Variants in CPD observed in about 807,000 individuals in gnomAD.
The protein encoded by CPD is carboxypeptidase D, also known as metallocarboxypeptidase D.
A neutral mutation model predicts 138.3 loss-of-function variants in CPD; 69 were observed. The ratio of observed to expected loss-of-function variants is 0.50; its 90% CI spans 0.41 to 0.61. The LOEUF (loss-of-function observed/expected upper bound fraction) is 0.61, where lower values mean the gene tolerates loss of function less well. Ranked by LOEUF, CPD falls within the 20% of genes least tolerant of loss-of-function variation. The pLI is 0.00. For synonymous variants in CPD, 651 were observed against 642.1 expected, an observed-to-expected ratio of 1.01 and a Z score of -0.21; for missense variants, 1,432 against 1,733.3, an observed-to-expected ratio of 0.83 and a Z score of 3.09.
chr17:30,407,883 T>A (rs1366775633), intron 2 of CPD, among the ~76,000 whole-genome samples: 1 of 152,224 alleles, frequency 6.6e-6, no homozygotes, highest in Non-Finnish European at 1.5e-5. Context: ...AGTCATGAAG[T>A]CTTTGTCCAT....
At chr17:30,456,623 T>C in intron 17 of CPD, 97 bp downstream of exon 17, 1 of 1,243,142 alleles carries the variant, frequency 8.0e-7, no homozygotes, top group Non-Finnish European at 1.2e-6. Flanking sequence ...AGGTGGATTT[T>C]CTGAGTTTGG....
At chr17:30,448,295 C>G (rs1913079104) in intron 12 of CPD, among the ~76,000 whole-genome samples, 2 of 152,062 alleles carry the variant, frequency 1.3e-5, no homozygotes. Context: ...GCCAGGAGCT[C>G]CAGTTTACGT....
intron 15 of CPD, chr17:30,455,880 A>G (rs985503615): frequency 5.2e-5 from 13 of 251,488 alleles, no homozygotes; most frequent in Middle Eastern, 1.4e-3. Context: ...TGAGTTAAAT[A>G]GTTGGTTGTT....
intron 5 of CPD, 119 bp downstream of exon 5, chr17:30,423,142 A>G (rs1912312558): frequency 1.4e-6 from 1 of 734,996 alleles, no homozygotes; most frequent in African/African-American, 1.8e-5. Context: ...AAGAAAACCT[A>G]ACTAAAATTA....
chr17:30,455,483 T>C lies in CPD; in HGVS notation c.3337+13T>C, dbSNP rs751672466. ...CCAGTACAGACAGGTATGTAGAATGTCATTTTATATATATACTGTTTAAGC... is the reference window on the plus strand; with the variant it reads ...CCAGTACAGACAGGTATGTAGAATGCCATTTTATATATATACTGTTTAAGC... On this transcript the variant is annotated intron_variant, in intron 15 of 20. Coordinates refer to ENST00000225719, the MANE Select transcript of CPD (RefSeq NM_001304.5). 2.5e-6 allele frequency: 4 copies of C among 1,606,160 alleles called. No individual in the cohort carries two copies. Among genetic ancestry groups the C allele is most frequent in the Admixed American group, 3.5e-5 (2 of 57,156 alleles).
chr17:30,421,858 C>G, intron 4 of CPD, 25 bp downstream of exon 4: 1 of 1,544,466 alleles, frequency 6.5e-7, no homozygotes, highest in Non-Finnish European at 8.9e-7. Flanking sequence ...TATGTAGACT[C>G]TTAGTTAAAA....
At chr17:30,437,551 G>A (rs1266127843) in intron 8 of CPD, among the ~76,000 whole-genome samples, 2 of 151,992 alleles carry the variant, frequency 1.3e-5, no homozygotes, top group African/African-American at 2.4e-5. Flanking sequence ...CAGGTGTGTG[G>A]GTGCATGCCT....
intron 20 of CPD, among the ~76,000 whole-genome samples, 182 bp downstream of exon 20, chr17:30,462,651 C>T (rs1913519659): frequency 2.0e-5 from 3 of 152,108 alleles, no homozygotes; most frequent in Non-Finnish European, 4.4e-5. Flanking sequence ...TTGCCTTTCT[C>T]TGCCGAGACC....
rs1307779393 is a variant in CPD, at chr17:30,390,020, ATTTT to A, written c.994+4797_994+4800del. ...CAAAAAACCCGGATGTCCTGGAGTA[ATTTT>A]TTTTTTTTTTTTGAGACAGAGTCTT... On this transcript the variant is annotated intron_variant, in intron 2 of 20. Coordinates refer to ENST00000225719, the MANE Select transcript of CPD (RefSeq NM_001304.5). Among the ~76,000 whole-genome samples the A allele has an allele frequency of 5.6e-5, 8 of 142,610 alleles. No individual in the cohort carries two copies. In the South Asian group the frequency reaches 1.6e-3, roughly 28 times the overall value. 93.6% of individuals were successfully genotyped at this position (142,610 alleles called of 152,430 possible).
At chr17:30,409,778 A>G (rs1911910909) in intron 2 of CPD, among the ~76,000 whole-genome samples, 1 of 151,854 alleles carries the variant, frequency 6.6e-6, no homozygotes, top group Non-Finnish European at 1.5e-5. Context: ...GCAGTCTATC[A>G]ATTCTGTTGA....
At chr17:30,456,846 C>CA (rs11353479) in intron 17 of CPD, 3,991 of 66,228 alleles carry the variant, frequency 0.06, 297 homozygotes, top group African/African-American at 0.17. Context: ...GATTCCATCT[C>CA]AAAAAAAAAA....
intron 5 of CPD, 113 bp from the exon 6 acceptor site, chr17:30,423,393 A>G (rs1912319693): frequency 4.2e-6 from 3 of 717,658 alleles, no homozygotes; most frequent in Non-Finnish European, 6.4e-6. Flanking sequence ...CTTTGCCAAA[A>G]TACATGTTTA....
chr17:30,449,828 T>A (rs1028917399), intron 13 of CPD, 80 bp downstream of exon 13: 4 of 1,271,348 alleles, frequency 3.1e-6, no homozygotes, highest in Non-Finnish European at 4.3e-6. Flanking sequence ...TTAAAATTTT[T>A]AATTTCTTGC....
chr17:30,458,246 T>C (rs1270449740), intron 17 of CPD, among the ~76,000 whole-genome samples: 1 of 152,192 alleles, frequency 6.6e-6, no homozygotes, highest in Non-Finnish European at 1.5e-5. Flanking sequence ...GTATTCTAGA[T>C]AGGAAATTCT....
chr17:30,425,754 A>C (rs1912389369), intron 6 of CPD, among the ~76,000 whole-genome samples: 1 of 152,074 alleles, frequency 6.6e-6, no homozygotes. Context: ...ACACTTAAAC[A>C]GTGCTTTAAT....
chr17:30,442,553 A>G, intron 10 of CPD, 103 bp downstream of exon 10: 1 of 1,052,894 alleles, frequency 9.5e-7, no homozygotes, highest in South Asian at 1.6e-5. Flanking sequence ...ACTCTTTAAA[A>G]TTTCAATTCA....
intron 2 of CPD, among the ~76,000 whole-genome samples, chr17:30,414,529 G>C (rs1053125384): frequency 6.6e-6 from 1 of 151,792 alleles, no homozygotes; most frequent in Non-Finnish European, 1.5e-5. Context: ...CTTGCAGTGA[G>C]CTGAGATCAC....
rs1268115337 is a variant in CPD at position 30,385,054 on chromosome 17, C to T, written c.812C>T (p.Pro271Leu). 6.2e-7 allele frequency: 1 copy of T among 1,613,984 alleles called. No homozygotes were observed. The highest frequency in any genetic ancestry group is 8.5e-7 in the Non-Finnish European group (1 of 1,179,960). ...GCAAGCTATCCTTTTGATGATTCTC[C>T]AGAACATAAGGCCACTGGAATCTAT... ...VVASYPFDDS[P>L]EHKATGIYSK... Residue 271 changes from proline to leucine, a missense_variant, in exon 2 of 21, where the codon CCA (proline) becomes CTA (leucine). Around this residue, in one of 6 missense-constraint regions of CPD, gnomAD observed 484 missense variants for 477.2 expected, o/e 1.01. Transcript: ENST00000225719.
chr17:30,385,018 G>A lies in CPD; in HGVS notation c.776G>A (p.Gly259Asp), dbSNP rs1911141678. 6.2e-7 allele frequency: 1 copy of A among 1,613,836 alleles called. No homozygotes were observed. The highest frequency in any genetic ancestry group is 2.2e-5 in the East Asian group (1 of 44,874). The change falls in exon 2 of 21, where the codon GGC (glycine) becomes GAC (aspartate). Residue 259 changes from glycine (G) to aspartate (D), a missense_variant. Gly to Asp is a moderately conservative substitution (Grantham distance 94). This residue lies in a region of CPD where 484 missense variants were observed against 477.2 expected (regional missense o/e 1.01). Transcript: ENST00000225719. Reference sequence around the variant, plus strand: ...GTGCTTTCTGGAAATCTGCATGGTGGCTCAGTGGTAGCAAGCTATCCTTTT... The same window carrying A: ...GTGCTTTCTGGAAATCTGCATGGTGACTCAGTGGTAGCAAGCTATCCTTTT... Reference protein sequence around the residue: ...KFVLSGNLHGGSVVASYPFDD... With the variant: ...KFVLSGNLHGDSVVASYPFDD...
Sources: allele counts gnomAD v4.1 joint callset (sites outside exome capture counted in the v4.1 genomes callset), GRCh38; gene constraint gnomAD v4.1.1; regional missense constraint gnomAD v4.1.1; transcripts MANE v1.5; gene names NCBI Gene and HGNC (gene_info 2026-07-23, HGNC 2026-07-21).